The following DENND6A variants were observed in gnomAD, a reference collection of about 807,000 sequenced individuals.
DENND6A encodes protein DENND6A.
Under a neutral mutation model 95.5 loss-of-function variants are expected in DENND6A, and 43 were observed. The ratio of observed to expected loss-of-function variants is 0.45; its 90% confidence interval spans 0.35 to 0.58. The LOEUF is 0.58. DENND6A is among the 20% of genes least tolerant of loss of function. The probability of loss-of-function intolerance (pLI) is 0.00; values close to 1 mark genes in which losing one functional copy is unlikely to be tolerated. For missense variants in DENND6A, 574 were observed against 736.0 expected (o/e 0.78, Z 2.55); for synonymous variants, 257 against 260.4 (o/e 0.99, Z 0.13).
At chr3:57,656,974 A>G (rs1219879787) in intron 9 of DENND6A, among the ~76,000 whole-genome samples, 2 of 152,096 alleles carry the variant, frequency 1.3e-5, no homozygotes, top group Non-Finnish European at 2.9e-5. Context: ...AAAAGAAAAA[A>G]GATCCCACCA....
chr3:57,654,655 A>G (rs566773270), intron 9 of DENND6A: 1 of 985,354 alleles, frequency 1.0e-6, no homozygotes, highest in East Asian at 1.1e-4. Context: ...TCTCACCTCA[A>G]AAACAGAATG....
Position 57,633,300 on chromosome 3 carries a change from A to T in DENND6A, c.1318T>A (p.Phe440Ile). ...EAQSVILRRY[F>I]LELTQSFIIP... The stretch of plus-strand genomic sequence containing the variant: ...ATGAAACTTTGTGTCAGTTCCAAAA[A>T]ATAGCGTCGAAGAATAACACTTTGA... Residue 440 changes from phenylalanine (F) to isoleucine (I), a missense_variant, in exon 15 of 20, where the codon TTT becomes ATT. Transcript: ENST00000311128. The T allele has an allele frequency of 6.2e-7, 1 of 1,613,890 alleles. No homozygotes were observed. The highest frequency in any genetic ancestry group is 8.5e-7 in the Non-Finnish European group (1 of 1,179,950).
intron 4 of DENND6A, among the ~76,000 whole-genome samples, 179 bp from the exon 5 acceptor site, chr3:57,663,895 A>G (rs1162849281): frequency 1.3e-5 from 2 of 152,208 alleles, no homozygotes; most frequent in African/African-American, 2.4e-5. Flanking sequence ...TAATCATGAC[A>G]GCAACAGCCA....
intron 1 of DENND6A, among the ~76,000 whole-genome samples, chr3:57,690,761 CA>C (rs1002874857): frequency 6.6e-6 from 1 of 151,304 alleles, no homozygotes; most frequent in African/African-American, 2.4e-5. Context: ...GATCTGCACA[CA>C]AAAAAAGAGC....
chr3:57,637,514 T>G (rs1226074225), intron 12 of DENND6A, among the ~76,000 whole-genome samples: 1 of 152,146 alleles, frequency 6.6e-6, no homozygotes, highest in Non-Finnish European at 1.5e-5. Flanking sequence ...TTTTCTCTAA[T>G]TTTACTGACC....
Position 57,627,075 on chromosome 3 carries a change from A to T in DENND6A, c.*1139T>A, listed in dbSNP as rs1350088342. ...ATAGCTGATTATGAGATTTATAATT[A>T]AAATGTCTTTGAAAAGCAGCCAAGT... On this transcript the variant is annotated 3_prime_UTR_variant, in exon 20 of 20. Transcript: ENST00000311128. 1.3e-5 allele frequency: 2 copies of T among 152,214 alleles called. No individual in the cohort carries two copies. Among genetic ancestry groups the T allele is most frequent in the African/African-American group, 4.8e-5 (2 of 41,454 alleles). 9.4% of individuals were successfully genotyped at this position (152,214 alleles called of 1,614,324 possible).
intron 11 of DENND6A, among the ~76,000 whole-genome samples, chr3:57,643,090 A>AT (rs1242151159): frequency 1.8e-4 from 28 of 152,206 alleles, no homozygotes; most frequent in African/African-American, 6.7e-4. Flanking sequence ...GGAAAAGCAA[A>AT]TTTGGATATG....
At chr3:57,645,858 A>G in intron 10 of DENND6A, 102 bp from the exon 11 acceptor site, 1 of 738,574 alleles carries the variant, frequency 1.4e-6, no homozygotes, top group Admixed American at 3.0e-5. Context: ...ACAAAGGGAT[A>G]CTTTGTTTAT....
At chr3:57,652,540 T>A (rs1213967902) in intron 9 of DENND6A, among the ~76,000 whole-genome samples, 2 of 152,254 alleles carry the variant, frequency 1.3e-5, no homozygotes, top group East Asian at 3.8e-4. Context: ...TGTGAAATAA[T>A]GTTTGTTCTT....
At chr3:57,681,193 C>T (rs1157798426) in intron 1 of DENND6A, among the ~76,000 whole-genome samples, 2 of 152,156 alleles carry the variant, frequency 1.3e-5, no homozygotes, top group South Asian at 2.1e-4. Flanking sequence ...AGCCAGGCCA[C>T]GGTGGCTCAC....
chr3:57,663,399 G>A (rs1407827204), intron 5 of DENND6A, among the ~76,000 whole-genome samples: 1 of 139,282 alleles, frequency 7.2e-6, no homozygotes, highest in Non-Finnish European at 1.5e-5. Context: ...AGGAGGCAGA[G>A]GTTGCAGTCA....
chr3:57,685,296 ATTG>A (rs1559833403), intron 1 of DENND6A, among the ~76,000 whole-genome samples: 2 of 152,150 alleles, frequency 1.3e-5, no homozygotes, highest in African/African-American at 4.8e-5. Flanking sequence ...ATTAAAAAAA[ATTG>A]TTTATTTATT....
At chr3:57,637,804 AC>A (rs2070829341) in intron 12 of DENND6A, among the ~76,000 whole-genome samples, 2 of 61,776 alleles carry the variant, frequency 3.2e-5, no homozygotes, top group Non-Finnish European at 9.1e-5. Flanking sequence ...ACAGAAGAAA[AC>A]AAAAAAAATA....
intron 1 of DENND6A, among the ~76,000 whole-genome samples, chr3:57,688,803 C>CT (rs2077234688): frequency 6.6e-6 from 1 of 152,108 alleles, no homozygotes; most frequent in South Asian, 2.1e-4. Flanking sequence ...CAATCACTGT[C>CT]CCTTTACTTA....
chr3:57,655,944 G>A (rs888722079), intron 9 of DENND6A, among the ~76,000 whole-genome samples: 31 of 152,268 alleles, frequency 2.0e-4, no homozygotes, highest in African/African-American at 7.5e-4. Flanking sequence ...ATTCCTTAAT[G>A]AGTCAAGTAT....
At chr3:57,662,192 T>TC (rs1173893670) in intron 5 of DENND6A, among the ~76,000 whole-genome samples, 2 of 124,086 alleles carry the variant, frequency 1.6e-5, no homozygotes, top group East Asian at 4.4e-4. Context: ...TTTCTTTTTT[T>TC]TTTTTTTTTT....
chr3:57,663,147 A>G (rs562074434), intron 5 of DENND6A, among the ~76,000 whole-genome samples: 3 of 132,868 alleles, frequency 2.3e-5, no homozygotes, highest in African/African-American at 6.1e-5. Context: ...GCAAAACTCC[A>G]TATCAAAAAA....
At chr3:57,640,083 A>G (rs1053342752) in intron 12 of DENND6A, among the ~76,000 whole-genome samples, 5 of 151,468 alleles carry the variant, frequency 3.3e-5, no homozygotes, top group African/African-American at 1.2e-4. Flanking sequence ...AAACTGGCCA[A>G]CATGGTGAAA....
rs1361363239 is a variant in DENND6A at position 57,626,398 on chromosome 3, CAT to C, written c.*1814_*1815del. ...CACAGCTATTAACCACATGCTGTGT[CAT>C]GTGTGCCTATTTTAGTTAGTGGCTT... On this transcript the variant is annotated 3_prime_UTR_variant, in exon 20 of 20. Coordinates refer to ENST00000311128, the MANE Select transcript of DENND6A (RefSeq NM_152678.3). 15 of 152,192 alleles carry C rather than the reference CAT, an allele frequency of 9.9e-5. No individual in the cohort carries two copies. The highest frequency in any genetic ancestry group is 3.6e-4 in the African/African-American group (15 of 41,452). 9.4% of individuals were successfully genotyped at this position (152,192 alleles called of 1,614,324 possible). A position where few individuals can be genotyped will look rare whatever the true frequency, so the allele number is the denominator to read the frequency against.
Sources: allele counts gnomAD v4.1 joint callset (sites outside exome capture counted in the v4.1 genomes callset), GRCh38; gene constraint gnomAD v4.1.1; transcripts MANE v1.5; gene names NCBI Gene and HGNC (gene_info 2026-07-23, HGNC 2026-07-21).